The following GPS1 variants were observed in gnomAD, a reference collection of about 807,000 sequenced individuals.
The protein encoded by GPS1 is COP9 signalosome complex subunit 1.
GPS1 carries 11 observed loss-of-function variants against 60.0 expected under a neutral mutation model. The ratio of observed to expected loss-of-function variants is 0.18; its 90% CI spans 0.12 to 0.30. The LOEUF (loss-of-function observed/expected upper bound fraction) is 0.30. GPS1 is among the 10% of genes least tolerant of loss of function. GPS1 has a pLI of 1.00. For synonymous variants in GPS1, 343 were observed against 269.8 expected (o/e 1.27, Z -2.66); for missense variants, 543 against 669.2 (o/e 0.81, Z 2.08).
intron 1 of GPS1, 167 bp downstream of exon 1, chr17:82,052,131 C>G: frequency 1.1e-6 from 1 of 924,376 alleles, no homozygotes; most frequent in Non-Finnish European, 1.4e-6. Context: ...GCCGAGGGCG[C>G]GTCTCCGCCG....
At chr17:82,056,164 G>T in intron 8 of GPS1, 69 bp downstream of exon 8, 1 of 1,424,370 alleles carries the variant, frequency 7.0e-7, no homozygotes. Flanking sequence ...CTTCGGCCTT[G>T]CATGTCCTGG....
At chr17:82,055,100 C>T in intron 5 of GPS1, 62 bp from the exon 6 acceptor site, 1 of 1,565,440 alleles carries the variant, frequency 6.4e-7, no homozygotes, top group Non-Finnish European at 8.7e-7. Flanking sequence ...AGTCTGGGGG[C>T]TGGGCATCGA....
In GPS1 at chr17:82,054,749, G is replaced by A; in HGVS notation, c.548G>A (p.Arg183Gln). The change falls in exon 4 of 13, where the codon CGG (arginine) becomes CAG (glutamine). Residue 183 changes from arginine (R) to glutamine (Q), a missense_variant. This residue lies in a region of GPS1 where 71 missense variants were observed against 126.7 expected (regional missense o/e 0.56). Coordinates refer to ENST00000578552, the MANE Select transcript of GPS1 (RefSeq NM_001321092.3). ...DLSNALKCYSRARDYCTSAKH... is the reference protein window; with the variant it reads ...DLSNALKCYSQARDYCTSAKH... The stretch of plus-strand genomic sequence containing the variant: ...AGCAACGCCCTCAAGTGCTATTCCC[G>A]GGCCCGGGACTACTGCACCAGCGCC... 6.2e-7 allele frequency: 1 copy of A among 1,611,662 alleles called. No homozygotes were observed. Among genetic ancestry groups the A allele is most frequent in the Non-Finnish European group, 8.5e-7 (1 of 1,179,538 alleles).
In GPS1 at chr17:82,056,800, G is replaced by A. The variant is rs367848304; in HGVS notation, c.1254+34G>A. The A allele has an allele frequency of 6.2e-6, 10 of 1,607,330 alleles. No homozygotes were observed. The African/African-American group carries it at 1.1e-4, about 17-fold the overall frequency. On this transcript the variant is annotated intron_variant, in intron 11 of 12. Transcript: ENST00000578552. ...GGGCTGCGGGGCGGTGGGGGCAGCT[G>A]GGGGTGAGCCTGGGCCCCGCTGAGC... is the stretch of plus-strand genomic sequence containing the variant.
At chr17:82,055,937 G>T in intron 7 of GPS1, 64 bp from the exon 8 acceptor site, 1 of 1,449,918 alleles carries the variant, frequency 6.9e-7, no homozygotes. Context: ...CTCCGAGCGG[G>T]TGATGGGCAG....
chr17:82,055,017 G>C, intron 5 of GPS1, 42 bp downstream of exon 5: 1 of 1,610,722 alleles, frequency 6.2e-7, no homozygotes, highest in South Asian at 1.1e-5. Flanking sequence ...CAGGATTCCT[G>C]ACCACTGCTG....
At chr17:82,055,365 G>A (rs1365823651) in intron 6 of GPS1, 143 bp downstream of exon 6, 9 of 827,156 alleles carry the variant, frequency 1.1e-5, no homozygotes, top group African/African-American at 3.4e-5. Flanking sequence ...ATGTACAGGT[G>A]TAGGTGGTGC....
upstream of GPS1, chr17:82,051,880 C>T (rs1180424388): frequency 6.9e-6 from 8 of 1,153,772 alleles, no homozygotes; most frequent in Non-Finnish European, 8.5e-6. The surrounding 1 kb of genome is among the most constrained non-coding windows in gnomAD (Gnocchi z 4.1). Context: ...CCGGAAGCGA[C>T]GGCTTCGCTG....
Position 82,057,442 on chromosome 17 carries a change from G to A in GPS1, c.*315G>A, listed in dbSNP as rs1484322784. 10 of 560,706 alleles carry A rather than the reference G, an allele frequency of 1.8e-5. No homozygotes were observed. Among genetic ancestry groups the A allele is most frequent in the East Asian group, 7.6e-5 (2 of 26,400 alleles). The allele number at this position is 560,706 out of a possible 1,614,324, so 34.7% of individuals were successfully genotyped here. Reference sequence around the variant, plus strand: ...CTCAGTCAGGTGCAGACAAGTGGGCGGTGTCCATTAAAGAGCAGACTCAGC... The same window carrying A: ...CTCAGTCAGGTGCAGACAAGTGGGCAGTGTCCATTAAAGAGCAGACTCAGC... On this transcript the variant is annotated 3_prime_UTR_variant, in exon 13 of 13. Coordinates refer to ENST00000578552, the MANE Select transcript of GPS1 (RefSeq NM_001321092.3).
intron 3 of GPS1, 158 bp from the exon 4 acceptor site, chr17:82,054,351 TG>T: frequency 1.0e-6 from 1 of 989,080 alleles, no homozygotes; most frequent in Non-Finnish European, 1.4e-6. Context: ...TCTGTGGCCC[TG>T]GTGCAGACTG....
intron 6 of GPS1, 33 bp from the exon 7 acceptor site, chr17:82,055,707 T>TCCCCCCACCCCCCC: frequency 9.6e-7 from 1 of 1,038,626 alleles, no homozygotes; most frequent in Non-Finnish European, 1.5e-6. Context: ...TTACCCCCTC[T>TCCCCCCACCCCCCC]CCCCCCTCCC....
chr17:82,055,404 G>A (rs779229567), intron 6 of GPS1, 182 bp downstream of exon 6: 10 of 673,854 alleles, frequency 1.5e-5, no homozygotes, highest in Admixed American at 4.7e-5. Context: ...AAGCCAGTGG[G>A]TGACGTGTGG....
At chr17:82,052,265 A>C in intron 1 of GPS1, 1 of 1,601,186 alleles carries the variant, frequency 6.2e-7, no homozygotes, top group Non-Finnish European at 8.5e-7. Context: ...GCAGCCAGCC[A>C]GCTCTGTGTC....
rs948032450 is a variant in GPS1 at position 82,055,228 on chromosome 17, G to A, written c.748+6G>A. On this transcript the variant is annotated splice_donor_region_variant and intron_variant, in intron 6 of 12. Coordinates refer to ENST00000578552, the MANE Select transcript of GPS1 (RefSeq NM_001321092.3). ...CAAGCTCAAGTGTGCCGCAGGTGAGGGCCTGGGTCACGCCCAGCTGACCCC... is the reference window on the plus strand; with the variant it reads ...CAAGCTCAAGTGTGCCGCAGGTGAGAGCCTGGGTCACGCCCAGCTGACCCC... The A allele has an allele frequency of 1.9e-6, 3 of 1,552,106 alleles. No homozygotes were observed. In the East Asian group the frequency reaches 7.3e-5, roughly 38 times the overall value.
At chr17:82,053,678 C>T (rs1185536262) in intron 2 of GPS1, 190 bp from the exon 3 acceptor site, 4 of 618,332 alleles carry the variant, frequency 6.5e-6, no homozygotes, top group Admixed American at 6.5e-5. Context: ...GCTCCTGCGC[C>T]AGGCCCACCC....
rs142208939 is a variant in GPS1 at position 82,056,920 on chromosome 17, C to T, written c.1335C>T (p.Arg445=). ...TGATGGGCAAGGAGTTCCAGCGCCG[C>T]GCCAAGGCCATGATGCTGCGGGCAG... ...SLLMGKEFQR[R]AKAMMLRAAV... is the part of the protein sequence containing the mutation. Residue 445 remains arginine, a synonymous_variant, in exon 12 of 13, where the codon CGC becomes CGT. Coordinates refer to ENST00000578552, the MANE Select transcript of GPS1 (RefSeq NM_001321092.3). 333 of 1,612,818 alleles carry T rather than the reference C, an allele frequency of 2.1e-4. No individual in the cohort carries two copies. Among genetic ancestry groups the T allele is most frequent in the Middle Eastern group, 6.6e-4 (4 of 6,084 alleles).
In GPS1 at chr17:82,054,602, C is replaced by T. The variant is rs774123575; in HGVS notation, c.401C>T (p.Ala134Val). 1.2e-5 allele frequency: 20 copies of T among 1,606,422 alleles called. No individual in the cohort carries two copies. Among genetic ancestry groups the T allele is most frequent in the Admixed American group, 1.7e-5 (1 of 59,622 alleles). The change falls in exon 4 of 13, where the codon GCG becomes GTG. Residue 134 changes from alanine (A) to valine (V), a missense_variant. Physicochemically the swap from Ala to Val is moderately conservative, Grantham distance 64. This residue lies in a region of GPS1 where 71 missense variants were observed against 126.7 expected (regional missense o/e 0.56). Coordinates refer to ENST00000578552, the MANE Select transcript of GPS1 (RefSeq NM_001321092.3). ...TAWVEATRKK[A>V]LLKLEKLDTD... is the part of the protein sequence containing the mutation. ...TGGGTGGAGGCCACGCGGAAGAAGG[C>T]GCTGCTGAAGCTGGAGAAGCTGGAC...
rs767098130 is a variant in GPS1, at chr17:82,056,465, C to T, written c.1036-5C>T. On this transcript the variant is annotated splice_region_variant and splice_polypyrimidine_tract_variant and intron_variant, in intron 9 of 12. Transcript: ENST00000578552. ...TGTCCTGGTCCTGACCAGCCCCTTC[C>T]CCAGGACAACCTGCTCCTGGACATG... The T allele has an allele frequency of 3.7e-6, 6 of 1,613,056 alleles. No individual in the cohort carries two copies. Among genetic ancestry groups the T allele is most frequent in the Non-Finnish European group, 5.1e-6 (6 of 1,179,998 alleles).
At chr17:82,053,803 C>G (rs1225087610) in intron 2 of GPS1, 65 bp from the exon 3 acceptor site, 12 of 1,510,858 alleles carry the variant, frequency 7.9e-6, no homozygotes, top group Non-Finnish European at 1.1e-5. Context: ...ACTCCTGACC[C>G]TCAGGGCCTG....
Sources: gnomAD v4.1 joint callset for allele counts on GRCh38, gnomAD v4.1.1 for gene constraint, gnomAD v4.1.1 regional missense constraint, Gnocchi (gnomAD v3.1) non-coding constraint, MANE v1.5 for transcripts, NCBI Gene and HGNC (gene_info 2026-07-23, HGNC 2026-07-21) for gene names.